PDE4D: variants seen among roughly 807,000 people sequenced by gnomAD.
PDE4D encodes phosphodiesterase 4D, also known as 3',5'-cyclic-AMP phosphodiesterase 4D.
PDE4D carries 24 observed loss-of-function variants against 87.4 expected under a neutral mutation model. The ratio of observed to expected loss-of-function variants is 0.27; its 90% CI spans 0.20 to 0.39. PDE4D has a LOEUF of 0.39. PDE4D is among the 10% of genes least tolerant of loss of function. The probability of loss-of-function intolerance (pLI) is 1.00; values close to 1 mark genes in which losing one functional copy is unlikely to be tolerated. For synonymous variants in PDE4D, 384 were observed against 383.2 expected, an observed-to-expected ratio of 1.00 and a Z score of -0.02; for missense variants, 714 against 1,041.0, an observed-to-expected ratio of 0.69 and a Z score of 4.32.
At chr5:60,176,993 T>C (rs554618978) in intron 2 of PDE4D, among the ~76,000 whole-genome samples, 1 of 152,284 alleles carries the variant, frequency 6.6e-6, no homozygotes, top group Admixed American at 6.5e-5. Flanking sequence ...GGTAGGTCAG[T>C]AACTAAGCAG....
At chr5:59,971,270 G>A (rs1030731771) in intron 3 of PDE4D, among the ~76,000 whole-genome samples, 6 of 151,224 alleles carry the variant, frequency 4.0e-5, no homozygotes, top group African/African-American at 1.5e-4. Context: ...TGACGAGTTA[G>A]TGGGTGCAGC....
intron 1 of PDE4D, among the ~76,000 whole-genome samples, chr5:60,248,958 T>C (rs1387625921): frequency 6.6e-6 from 1 of 151,974 alleles, no homozygotes; most frequent in Non-Finnish European, 1.5e-5. Flanking sequence ...AAGAGCACCA[T>C]CAAAAATTGA....
intron 2 of PDE4D, among the ~76,000 whole-genome samples, chr5:60,157,970 A>T (rs894468539): frequency 2.2e-5 from 3 of 138,996 alleles, no homozygotes; most frequent in Non-Finnish European, 4.6e-5. Context: ...TTCCTCTAGC[A>T]TTGAGGGTAT....
At chr5:60,412,984 C>T (rs373607793) in intron 1 of PDE4D, among the ~76,000 whole-genome samples, 12 of 152,230 alleles carry the variant, frequency 7.9e-5, no homozygotes, top group African/African-American at 2.9e-4. Context: ...GATTTAGATC[C>T]ACTTCAGTCT....
At chr5:59,906,117 T>G (rs1424900588) in intron 3 of PDE4D, among the ~76,000 whole-genome samples, 1 of 152,152 alleles carries the variant, frequency 6.6e-6, no homozygotes, top group Non-Finnish European at 1.5e-5. Context: ...GGCCTTTTTA[T>G]GAAGAAGGTA....
chr5:59,107,661 T>C lies in PDE4D; in HGVS notation c.809-68690A>G, dbSNP rs187725823. 2.6e-5 allele frequency among the ~76,000 whole-genome samples: 4 copies of C among 152,240 alleles called. No individual in the cohort carries two copies. In the East Asian group the frequency reaches 5.8e-4, roughly 22 times the overall value. ...AGGAACTCCCAAAAGCAAAACATTA[T>C]AGAGGGTAAGAGTGGAGGGAGGAAT... On this transcript the variant is annotated intron_variant, in intron 5 of 14. Transcript: ENST00000340635.
rs1180512217 is a variant in PDE4D at position 58,969,234 on chromosome 5, CAG to C, written c.*5428_*5429del. On this transcript the variant is annotated 3_prime_UTR_variant, in exon 15 of 15. Transcript: ENST00000340635. ...TGGAGCTGTGGTCTGGTGGGAGAGA[CAG>C]ATAACAAAAACAAACACGTATATAA... The C allele has an allele frequency of 1.3e-5, 2 of 152,058 alleles. No individual in the cohort carries two copies. Among genetic ancestry groups the C allele is most frequent in the African/African-American group, 4.8e-5 (2 of 41,400 alleles). 9.4% of individuals were successfully genotyped at this position (152,058 alleles called of 1,614,324 possible). A position where few individuals can be genotyped will look rare whatever the true frequency, so the allele number is the denominator to read the frequency against.
intron 1 of PDE4D, among the ~76,000 whole-genome samples, chr5:59,286,658 G>A (rs1767011594): frequency 1.3e-5 from 2 of 152,190 alleles, no homozygotes; most frequent in Middle Eastern, 3.4e-3. Flanking sequence ...CAGACTGCAA[G>A]TGTACTCAAA....
chr5:59,388,866 A>G (rs1787655298), intron 1 of PDE4D, among the ~76,000 whole-genome samples: 1 of 152,086 alleles, frequency 6.6e-6, no homozygotes, highest in African/African-American at 2.4e-5. Context: ...GATGTAGCAA[A>G]TATATTTCAT....
intron 1 of PDE4D, among the ~76,000 whole-genome samples, chr5:59,292,442 G>T (rs899451650): frequency 6.6e-6 from 1 of 151,930 alleles, no homozygotes; most frequent in African/African-American, 2.4e-5. Flanking sequence ...TTTCCACAAC[G>T]TAGATTATTT....
At chr5:60,279,366 G>T (rs1383515982) in intron 1 of PDE4D, among the ~76,000 whole-genome samples, 1 of 152,160 alleles carries the variant, frequency 6.6e-6, no homozygotes, top group Non-Finnish European at 1.5e-5. Flanking sequence ...ACTGAGAATA[G>T]AAATGGAGCT....
chr5:60,439,652 T>C (rs1349691165), intron 1 of PDE4D, among the ~76,000 whole-genome samples: 1 of 152,118 alleles, frequency 6.6e-6, no homozygotes, highest in Non-Finnish European at 1.5e-5. Flanking sequence ...ATTGCTTTCT[T>C]TCTTTTCCCT....
chr5:60,506,273 A>G (rs1198741902), intron 1 of PDE4D, among the ~76,000 whole-genome samples: 1 of 152,262 alleles, frequency 6.6e-6, no homozygotes, highest in East Asian at 1.9e-4. Flanking sequence ...ATGAATGCAT[A>G]CATGCACACG....
rs374087062 is a variant in PDE4D, at chr5:60,252,173, A to G, written c.-89-66486T>C. 4.6e-5 allele frequency among the ~76,000 whole-genome samples: 7 copies of G among 151,992 alleles called. No homozygotes were observed. In the East Asian group the frequency reaches 1.4e-3, roughly 30 times the overall value. ...GTTTGCACAATGACAAAATTGCCTA[A>G]TGATATATTTCTCAGATTGTATGCC... On this transcript the variant is annotated intron_variant, in intron 1 of 16. Coordinates refer to the PDE4D transcript ENST00000502484.
intron 1 of PDE4D, among the ~76,000 whole-genome samples, chr5:59,327,132 TACAC>T (rs3061651): frequency 0.17 from 23,564 of 141,624 alleles, 2,118 homozygotes; most frequent in East Asian, 0.32. Flanking sequence ...GAAACAGAAA[TACAC>T]ACACACACAC....
At chr5:59,463,849 A>G (rs1275260958) in intron 1 of PDE4D, among the ~76,000 whole-genome samples, 1 of 152,176 alleles carries the variant, frequency 6.6e-6, no homozygotes, top group African/African-American at 2.4e-5. Flanking sequence ...TAGACATAGG[A>G]GACTCCATTT....
chr5:59,610,319 C>CT (rs1828820085), intron 1 of PDE4D, among the ~76,000 whole-genome samples: 1 of 152,180 alleles, frequency 6.6e-6, no homozygotes, highest in South Asian at 2.1e-4. Flanking sequence ...TTAATGTGAC[C>CT]TAATTTATAT....
intron 2 of PDE4D, among the ~76,000 whole-genome samples, chr5:60,105,539 C>T (rs1384363170): frequency 6.6e-6 from 1 of 152,106 alleles, no homozygotes; most frequent in Non-Finnish European, 1.5e-5. Context: ...TCAAGAAGCA[C>T]ACCTCCAAGA....
At chr5:60,294,616 T>G (rs6879098) in intron 1 of PDE4D, among the ~76,000 whole-genome samples, 12,620 of 152,112 alleles carry the variant, frequency 0.083, 1,735 homozygotes, top group African/African-American at 0.29. Flanking sequence ...TAAATAAGCC[T>G]CTCCATTCCT....
Sources: gnomAD v4.1 joint callset for allele counts (sites outside exome capture counted in the v4.1 genomes callset) on GRCh38, gnomAD v4.1.1 for gene constraint, MANE v1.5 for transcripts, NCBI Gene and HGNC (gene_info 2026-07-23, HGNC 2026-07-21) for gene names.